Variants in MYO6 observed in about 807,000 individuals in gnomAD.
The protein encoded by MYO6 is unconventional myosin-VI.
MYO6 carries 74 observed loss-of-function variants against 178.7 expected under a neutral mutation model. That is an observed-to-expected ratio of 0.41 (90% CI 0.34 to 0.50). The LOEUF is 0.50. Among genes scored for constraint, MYO6 ranks in the 20% least tolerant of loss-of-function variants. The pLI, the probability that MYO6 is intolerant of heterozygous loss-of-function variation, is 0.09. For missense variants in MYO6, 1,330 were observed against 1,547.4 expected, an observed-to-expected ratio of 0.86 and a Z score of 2.36; for synonymous variants, 477 against 504.6, an observed-to-expected ratio of 0.95 and a Z score of 0.73.
intron 1 of MYO6, among the ~76,000 whole-genome samples, chr6:75,753,410 A>G (rs749833184): frequency 5.6e-4 from 84 of 151,200 alleles, no homozygotes; most frequent in Non-Finnish European, 9.7e-4. Flanking sequence ...TGGAGGCATT[A>G]TATCTATATG....
chr6:75,883,453 A>G (rs1439798153), intron 23 of MYO6, among the ~76,000 whole-genome samples: 1 of 152,106 alleles, frequency 6.6e-6, no homozygotes, highest in African/African-American at 2.4e-5. Flanking sequence ...CATTTTCTTC[A>G]TGAGATTGCT....
Position 75,873,234 on chromosome 6 carries a change from C to A in MYO6, c.2011C>A (p.Pro671Thr), listed in dbSNP as rs1385438821. The A allele has an allele frequency of 6.2e-7, 1 of 1,613,868 alleles. No homozygotes were observed. Among genetic ancestry groups the A allele is most frequent in the African/African-American group, 1.3e-5 (1 of 74,924 alleles). The change falls in exon 20 of 35, where the codon CCT becomes ACT. Residue 671 changes from proline (P) to threonine (T), a missense_variant. Pro to Thr is a conservative substitution (Grantham distance 38). This residue lies in a region of MYO6 where 613 missense variants were observed against 816.8 expected (regional missense o/e 0.75). Transcript: ENST00000369977. Reference protein sequence around the residue: ...TGASFIRCIKPNLKMTSHHFE... With the variant: ...TGASFIRCIKTNLKMTSHHFE... ...AGCAAGCTTTATTCGTTGCATCAAA[C>A]CTAACTTAAAGATGACAAGCCACCA...
At chr6:75,847,450 G>A (rs1411686601) in intron 10 of MYO6, among the ~76,000 whole-genome samples, 1 of 151,962 alleles carries the variant, frequency 6.6e-6, no homozygotes, top group Non-Finnish European at 1.5e-5. Context: ...AAAATTTCTA[G>A]TACAATCTTT....
chr6:75,886,688 GA>G (rs1205928656), intron 24 of MYO6, among the ~76,000 whole-genome samples, 155 bp from the exon 25 acceptor site: 1 of 152,056 alleles, frequency 6.6e-6, no homozygotes, highest in Non-Finnish European at 1.5e-5. Flanking sequence ...ACTCATATTT[GA>G]TTTTTTTTAG....
In MYO6 at chr6:75,861,040, A is replaced by G. The variant is rs1776166282; in HGVS notation, c.1491A>G (p.Gln497=). The G allele has an allele frequency of 2.5e-6, 4 of 1,606,772 alleles. No individual in the cohort carries two copies. The East Asian group carries it at 6.7e-5, about 27-fold the overall frequency. Reference sequence around the variant, plus strand: ...ATTTTTAGGAACAAGAACTCTATCAAAAAGAAGGTTTAGGTGTTAATGAAG... The same window carrying G: ...ATTTTTAGGAACAAGAACTCTATCAGAAAGAAGGTTTAGGTGTTAATGAAG... ...RILKEEQELY[Q]KEGLGVNEVH... The change falls in exon 15 of 35, where the codon CAA becomes CAG. Residue 497 remains glutamine, a synonymous_variant. Coordinates refer to ENST00000369977, the MANE Select transcript of MYO6 (RefSeq NM_004999.4).
Position 75,873,188 on chromosome 6 carries a change from A to C in MYO6, c.1984-19A>C, listed in dbSNP as rs758127117. ...GAATGCTATATGTATTGTAACAAAA[A>C]GTACCTTTATTTTCCTAGGGAGCAA... On this transcript the variant is annotated intron_variant, in intron 19 of 34. Transcript: ENST00000369977. 6.3e-7 allele frequency: 1 copy of C among 1,596,792 alleles called. No individual in the cohort carries two copies. Among genetic ancestry groups the C allele is most frequent in the South Asian group, 1.1e-5 (1 of 90,686 alleles).
At chr6:75,813,848 T>C (rs988771423) in intron 1 of MYO6, among the ~76,000 whole-genome samples, 1 of 152,178 alleles carries the variant, frequency 6.6e-6, no homozygotes, top group Non-Finnish European at 1.5e-5. Flanking sequence ...GGGCCTGGAA[T>C]GGGGGCCTCA....
At chr6:75,883,828 G>C (rs1778223549) in intron 23 of MYO6, among the ~76,000 whole-genome samples, 1 of 152,074 alleles carries the variant, frequency 6.6e-6, no homozygotes. Flanking sequence ...TACATGAAAA[G>C]GATCCAGCGA....
At chr6:75,757,307 C>T (rs559330876) in intron 1 of MYO6, among the ~76,000 whole-genome samples, 3 of 147,876 alleles carry the variant, frequency 2.0e-5, no homozygotes, top group Admixed American at 6.7e-5. Flanking sequence ...TATGTATACA[C>T]ACACATATAC....
intron 1 of MYO6, among the ~76,000 whole-genome samples, chr6:75,773,283 G>A (rs1157496112): frequency 6.6e-6 from 1 of 152,120 alleles, no homozygotes; most frequent in Non-Finnish European, 1.5e-5. Flanking sequence ...TGGAATGTTT[G>A]ACTTAACACT....
At chr6:75,838,370 A>T (rs1468764096) in intron 7 of MYO6, among the ~76,000 whole-genome samples, 7 of 152,028 alleles carry the variant, frequency 4.6e-5, no homozygotes, top group Non-Finnish European at 8.8e-5. Flanking sequence ...TAGCCTCTTA[A>T]TGGAGAATAG....
rs780653984 is a variant in MYO6, at chr6:75,844,926, T to C, written c.846T>C (p.Phe282=). 3.1e-6 allele frequency: 5 copies of C among 1,613,412 alleles called. No individual in the cohort carries two copies. The highest frequency in any genetic ancestry group is 3.4e-6 in the Non-Finnish European group (4 of 1,179,536). The change falls in exon 10 of 35, where the codon TTT becomes TTC. Residue 282 remains phenylalanine (F), a synonymous_variant. Transcript: ENST00000369977. The part of the protein sequence containing the change: ...RYLNRGCTRY[F]ANKETDKQIL... ...TAAACCGAGGCTGCACTAGATACTT[T>C]GCTAACAAAGAAACTGACAAACAGA... is the stretch of plus-strand genomic sequence containing the variant.
intron 25 of MYO6, 66 bp from the exon 26 acceptor site, chr6:75,889,991 A>G (rs1243054729): frequency 3.6e-6 from 4 of 1,106,430 alleles, no homozygotes; most frequent in Admixed American, 1.7e-5. Context: ...ATTGTTAAGT[A>G]TATTCACATT....
chr6:75,786,782 A>C (rs924447709), intron 1 of MYO6, among the ~76,000 whole-genome samples: 31 of 152,162 alleles, frequency 2.0e-4, no homozygotes, highest in African/African-American at 7.5e-4. Flanking sequence ...GTCTTGCACA[A>C]CTTTTTTTCT....
At chr6:75,841,082 C>T (rs756122330) in intron 8 of MYO6, 132 bp from the exon 9 acceptor site, 20 of 900,160 alleles carry the variant, frequency 2.2e-5, no homozygotes, top group Non-Finnish European at 3.2e-5. Flanking sequence ...GTTTTTTCCC[C>T]TTTATTTGGT....
intron 1 of MYO6, among the ~76,000 whole-genome samples, chr6:75,751,995 CTTT>C (rs1239585313): frequency 7.0e-6 from 1 of 142,512 alleles, no homozygotes. Flanking sequence ...TTTATTTATT[CTTT>C]TTTTTTTTTT....
intron 1 of MYO6, among the ~76,000 whole-genome samples, chr6:75,807,366 A>G (rs1770206287): frequency 6.6e-6 from 1 of 151,464 alleles, no homozygotes; most frequent in African/African-American, 2.4e-5. Flanking sequence ...TTTTGACTAG[A>G]CTCTAGAAAA....
intron 1 of MYO6, among the ~76,000 whole-genome samples, chr6:75,803,641 A>G (rs147262635): frequency 1.3e-5 from 2 of 152,274 alleles, no homozygotes; most frequent in African/African-American, 4.8e-5. Flanking sequence ...TTCTTAATTA[A>G]ATTGTGGTAG....
At chr6:75,872,803 G>T (rs7761004) in intron 19 of MYO6, among the ~76,000 whole-genome samples, 3 of 149,018 alleles carry the variant, frequency 2.0e-5, no homozygotes, top group South Asian at 4.2e-4. Context: ...TTTTTTTGAC[G>T]GAGTCTCACT....
Sources: gnomAD v4.1 joint callset for allele counts (sites outside exome capture counted in the v4.1 genomes callset) on GRCh38, gnomAD v4.1.1 for gene constraint, gnomAD v4.1.1 regional missense constraint, MANE v1.5 for transcripts, NCBI Gene and HGNC (gene_info 2026-07-23, HGNC 2026-07-21) for gene names.